Variants in PLPPR1 observed in about 807,000 individuals in gnomAD.
PLPPR1 encodes phospholipid phosphatase-related protein type 1.
In PLPPR1, 10 loss-of-function variants were observed where a neutral mutation model predicts 33.1. The observed-to-expected ratio is 0.30, with a 90% CI of 0.19 to 0.51. The LOEUF (loss-of-function observed/expected upper bound fraction) is 0.51. Ranked by LOEUF, PLPPR1 falls within the 20% of genes least tolerant of loss-of-function variation. The pLI is 0.97. For missense variants in PLPPR1, 304 were observed against 408.1 expected, an observed-to-expected ratio of 0.74 and a Z score of 2.20; for synonymous variants, 151 against 151.0, an observed-to-expected ratio of 1.00 and a Z score of 0.00.
intron 7 of PLPPR1, among the ~76,000 whole-genome samples, chr9:101,319,745 C>T (rs1406514377): frequency 6.6e-6 from 1 of 152,136 alleles, no homozygotes; most frequent in African/African-American, 2.4e-5. Context: ...TCCCTAATTA[C>T]AATCCTGTGT....
chr9:101,128,298 C>T lies in PLPPR1; in HGVS notation c.-45-57152C>T, dbSNP rs545662873. 2.0e-5 allele frequency among the ~76,000 whole-genome samples: 3 copies of T among 152,178 alleles called. No homozygotes were observed. The East Asian group carries it at 5.8e-4, about 29-fold the overall frequency. ...ACTTCACTGGAATCATGATTCTTCCCAATGTATCTTTATAGATTTTTGTTT... is the reference window on the plus strand; with the variant it reads ...ACTTCACTGGAATCATGATTCTTCCTAATGTATCTTTATAGATTTTTGTTT... On this transcript the variant is annotated intron_variant, in intron 1 of 7. Coordinates refer to ENST00000374874, the MANE Select transcript of PLPPR1 (RefSeq NM_207299.2).
At chr9:101,149,619 G>A (rs7867047) in intron 1 of PLPPR1, among the ~76,000 whole-genome samples, 11,034 of 152,102 alleles carry the variant, frequency 0.073, 1,285 homozygotes, top group African/African-American at 0.25. Flanking sequence ...GTTTTTCATT[G>A]TATTCTACAG....
At chr9:101,168,752 T>C (rs1318659014) in intron 1 of PLPPR1, among the ~76,000 whole-genome samples, 1 of 152,126 alleles carries the variant, frequency 6.6e-6, no homozygotes, top group Non-Finnish European at 1.5e-5. Context: ...AATAATTTAG[T>C]TAAAGGCATT....
At chr9:101,078,910 A>T (rs1830582457) in intron 1 of PLPPR1, among the ~76,000 whole-genome samples, 5 of 152,174 alleles carry the variant, frequency 3.3e-5, no homozygotes, top group Admixed American at 2.6e-4. Context: ...TTGTACACAC[A>T]AAGATTAATT....
chr9:101,077,795 G>A (rs1396985106), intron 1 of PLPPR1, among the ~76,000 whole-genome samples: 1 of 151,978 alleles, frequency 6.6e-6, no homozygotes, highest in Admixed American at 6.6e-5. Context: ...CCTTGGGCAA[G>A]GCGGCTCCCT....
intron 1 of PLPPR1, chr9:101,125,637 A>T: frequency 1.7e-6 from 1 of 573,692 alleles, no homozygotes; most frequent in Non-Finnish European, 3.3e-6. Context: ...ATTTCCTGGA[A>T]TAAGTTGTTG....
intron 2 of PLPPR1, among the ~76,000 whole-genome samples, chr9:101,259,316 T>A (rs1827854900): frequency 6.6e-6 from 1 of 152,126 alleles, no homozygotes; most frequent in Non-Finnish European, 1.5e-5. Context: ...ATTCGAATGG[T>A]AGGCTGCTTC....
intron 3 of PLPPR1, among the ~76,000 whole-genome samples, chr9:101,279,648 TAATC>T (rs1271984385): frequency 6.6e-6 from 1 of 152,142 alleles, no homozygotes; most frequent in Non-Finnish European, 1.5e-5. Context: ...ATAAAACTAA[TAATC>T]AATAAGAGGA....
chr9:101,294,672 T>C (rs7046858), intron 4 of PLPPR1, among the ~76,000 whole-genome samples: 7,258 of 151,890 alleles, frequency 0.048, 532 homozygotes, highest in African/African-American at 0.16. Flanking sequence ...AAATGTAATC[T>C]AGCATATAAA....
chr9:101,032,682 T>A (rs1829960233), intron 1 of PLPPR1, among the ~76,000 whole-genome samples: 1 of 152,160 alleles, frequency 6.6e-6, no homozygotes, highest in Non-Finnish European at 1.5e-5. Flanking sequence ...TGCATTAGAA[T>A]AGTAGAAGAT....
chr9:101,224,318 T>A (rs1282284145), intron 2 of PLPPR1, among the ~76,000 whole-genome samples: 2 of 152,330 alleles, frequency 1.3e-5, no homozygotes, highest in Non-Finnish European at 1.5e-5. Flanking sequence ...CCAAAAGATA[T>A]GATCCACTAT....
intron 1 of PLPPR1, among the ~76,000 whole-genome samples, chr9:101,123,138 T>C (rs1439245187): frequency 2.6e-5 from 4 of 152,206 alleles, no homozygotes; most frequent in Non-Finnish European, 5.9e-5. Flanking sequence ...AAATCCGAAA[T>C]ACTGTTCTAT....
chr9:101,210,857 T>A (rs537010603), intron 2 of PLPPR1, among the ~76,000 whole-genome samples: 1 of 152,210 alleles, frequency 6.6e-6, no homozygotes, highest in East Asian at 1.9e-4. Context: ...AAGCTCCGCC[T>A]CCTGGGTTCA....
intron 2 of PLPPR1, among the ~76,000 whole-genome samples, chr9:101,225,483 C>T: frequency 6.6e-6 from 1 of 152,132 alleles, no homozygotes; most frequent in East Asian, 1.9e-4. Context: ...AAGAGCTGGT[C>T]CACTGCCATA....
At chr9:101,270,960 TA>T (rs1828087253) in intron 3 of PLPPR1, among the ~76,000 whole-genome samples, 1 of 152,154 alleles carries the variant, frequency 6.6e-6, no homozygotes, top group Admixed American at 6.5e-5. Flanking sequence ...TGCCGAGGAA[TA>T]TAGCAATTGC....
chr9:101,292,193 A>G (rs990747774), intron 4 of PLPPR1, among the ~76,000 whole-genome samples: 2 of 152,204 alleles, frequency 1.3e-5, no homozygotes, highest in Non-Finnish European at 2.9e-5. Context: ...GGGTATCAGC[A>G]ATGGAAAATG....
At chr9:101,230,504 C>G (rs995480123) in intron 2 of PLPPR1, among the ~76,000 whole-genome samples, 2 of 152,082 alleles carry the variant, frequency 1.3e-5, no homozygotes, top group African/African-American at 4.8e-5. Flanking sequence ...TTCTCCTTCC[C>G]CTTGGGAGCC....
At chr9:101,263,032 A>G (rs946451363) in intron 2 of PLPPR1, among the ~76,000 whole-genome samples, 13 of 152,184 alleles carry the variant, frequency 8.5e-5, no homozygotes, top group African/African-American at 2.9e-4. Context: ...GAGGGATAGC[A>G]TTAGGAGAAA....
chr9:101,227,527 C>T (rs935750567), intron 2 of PLPPR1, among the ~76,000 whole-genome samples: 1 of 151,940 alleles, frequency 6.6e-6, no homozygotes, highest in African/African-American at 2.4e-5. Flanking sequence ...CATTTAAGTT[C>T]CTAGTAGATT....
Sources: allele counts gnomAD v4.1 joint callset (sites outside exome capture counted in the v4.1 genomes callset), GRCh38; gene constraint gnomAD v4.1.1; transcripts MANE v1.5; gene names NCBI Gene and HGNC (gene_info 2026-07-23, HGNC 2026-07-21).